The following GTF2H2C variants were observed in gnomAD, a reference collection of about 807,000 sequenced individuals.
GTF2H2C encodes general transcription factor IIH subunit 2-like protein.
Under a neutral mutation model 24.8 loss-of-function variants are expected in GTF2H2C, and 5 were observed. The ratio of observed to expected loss-of-function variants is 0.20; its 90% CI spans 0.11 to 0.42. The LOEUF is 0.42. GTF2H2C is among the 20% of genes least tolerant of loss of function. The pLI is 1.00. For synonymous variants in GTF2H2C, 14 were observed against 52.6 expected (o/e 0.27, Z 3.18); for missense variants, 45 against 169.8 (o/e 0.27, Z 4.08).
At chr5:69,561,564 GAA>G (rs1201509888) in intron 1 of GTF2H2C, among the ~76,000 whole-genome samples, 1 of 29,518 alleles carries the variant, frequency 3.4e-5, no homozygotes, top group Non-Finnish European at 1.4e-4. Context: ...AGAAAAAAAA[GAA>G]AAAAAAGAAT....
At chr5:69,570,446 CAAAG>C (rs1166771602) in intron 8 of GTF2H2C, among the ~76,000 whole-genome samples, 2 of 69,262 alleles carry the variant, frequency 2.9e-5, no homozygotes, top group Non-Finnish European at 5.9e-5. Context: ...GATGAATAGA[CAAAG>C]AAGACATGAT....
At chr5:69,562,261 T>C (rs1770413936) in intron 1 of GTF2H2C, among the ~76,000 whole-genome samples, 1 of 152,028 alleles carries the variant, frequency 6.6e-6, no homozygotes, top group Admixed American at 6.5e-5. Context: ...GAGGTTGCAG[T>C]GAGCCGAGAT....
intron 8 of GTF2H2C, among the ~76,000 whole-genome samples, chr5:69,570,250 A>G (rs1771008551): frequency 1.3e-5 from 1 of 74,460 alleles, no homozygotes; most frequent in African/African-American, 4.7e-5. Context: ...GTCTTTGGGC[A>G]AGTCATTTCA....
chr5:69,561,118 A>G (rs2112153579), intron 1 of GTF2H2C, among the ~76,000 whole-genome samples: 1 of 152,164 alleles, frequency 6.6e-6, no homozygotes, highest in East Asian at 1.9e-4. Context: ...AGATCTTTAC[A>G]AAGTCCATCT....
chr5:69,579,738 T>TC lies in GTF2H2C; in HGVS notation c.650-16dup, dbSNP rs1771439628. On this transcript the variant is annotated intron_variant, in intron 11 of 16. Transcript: ENST00000380729. Reference sequence around the variant, plus strand: ...TTATGTCTATGAAGGTGTTTTTTTTTCCCTTTTCATCTTGTTAGGCACGTA... The same window carrying TC: ...TTATGTCTATGAAGGTGTTTTTTTTTCCCCTTTTCATCTTGTTAGGCACGTA... 1.9e-6 allele frequency: 3 copies of TC among 1,583,712 alleles called. No homozygotes were observed. Among genetic ancestry groups the TC allele is most frequent in the East Asian group, 2.3e-5 (1 of 44,036 alleles).
chr5:69,565,744 A>G, intron 3 of GTF2H2C: 1 of 266,420 alleles, frequency 3.8e-6, no homozygotes, highest in Non-Finnish European at 7.2e-6. Context: ...TTGTGTAAGT[A>G]TACCCTGTGA....
At chr5:69,575,637 T>G (rs1771311992) in intron 9 of GTF2H2C, among the ~76,000 whole-genome samples, 1 of 85,644 alleles carries the variant, frequency 1.2e-5, no homozygotes, top group Non-Finnish European at 2.1e-5. Context: ...GAGGCAGAGG[T>G]TGCAGTGAGC....
At chr5:69,573,359 T>G (rs940752555) in intron 9 of GTF2H2C, among the ~76,000 whole-genome samples, 4 of 87,408 alleles carry the variant, frequency 4.6e-5, no homozygotes, top group Non-Finnish European at 6.8e-5. Context: ...AATTTTTGTA[T>G]TTTTAGTACA....
In GTF2H2C at chr5:69,560,763, A is replaced by T. The variant is rs570968526; in HGVS notation, c.-132+360A>T. On this transcript the variant is annotated intron_variant, in intron 1 of 16. Transcript: ENST00000380729. ...TCCAGGAAACAGATCACTTAAAAAA[A>T]TTTTTTTTTCTTCGAGACGGAGTCT... Among the ~76,000 whole-genome samples, 146 of 151,458 alleles carry T rather than the reference A, an allele frequency of 9.6e-4. 1 individual carries two copies. The highest frequency in any genetic ancestry group is 7.9e-3 in the South Asian group (38 of 4,782).
At chr5:69,561,704 T>C (rs1770365429) in intron 1 of GTF2H2C, among the ~76,000 whole-genome samples, 1 of 151,832 alleles carries the variant, frequency 6.6e-6, no homozygotes, top group African/African-American at 2.4e-5. Context: ...CAGTCTGGAG[T>C]GCAGTAGTGA....
At chr5:69,564,092 C>T (rs1395007347) in intron 2 of GTF2H2C, among the ~76,000 whole-genome samples, 1 of 150,906 alleles carries the variant, frequency 6.6e-6, no homozygotes. Flanking sequence ...CGTGTTAATT[C>T]GATGAGGATA....
chr5:69,562,329 G>GAAACAA (rs1161288695), intron 1 of GTF2H2C, among the ~76,000 whole-genome samples: 2 of 151,934 alleles, frequency 1.3e-5, no homozygotes, highest in African/African-American at 4.8e-5. Flanking sequence ...AACAAAAAAA[G>GAAACAA]AAACAAAAAT....
chr5:69,560,839 C>T (rs1245259687), intron 1 of GTF2H2C, among the ~76,000 whole-genome samples: 1 of 151,928 alleles, frequency 6.6e-6, no homozygotes, highest in African/African-American at 2.4e-5. Context: ...CTCACTGCAA[C>T]CTCCACCTCC....
chr5:69,568,574 T>C (rs1770909336), intron 8 of GTF2H2C: 1 of 105,240 alleles, frequency 9.5e-6, no homozygotes, highest in Non-Finnish European at 1.7e-5. Context: ...TTCGGATCAC[T>C]GCAAAGTCCG....
chr5:69,590,102 C>G (rs1473993075), intron 15 of GTF2H2C, among the ~76,000 whole-genome samples: 3 of 150,554 alleles, frequency 2.0e-5, no homozygotes, highest in African/African-American at 7.3e-5. Context: ...CCAGGCTGGT[C>G]ACGAACTCCT....
rs1433884315 is a variant in GTF2H2C at position 69,566,971 on chromosome 5, G to A, written c.176G>A (p.Arg59His). Residue 59 changes from arginine to histidine, a missense_variant, in exon 6 of 17, where the codon CGC (arginine) becomes CAC (histidine). By Grantham distance (29) the Arg-to-His change is conservative. Coordinates refer to ENST00000380729, the MANE Select transcript of GTF2H2C (RefSeq NM_001376000.2). ...GCCCTTTCTTTTTTCCGATAGATGCGCCACCTTTATGTGGTAGTAGATGGA... is the reference window on the plus strand; with the variant it reads ...GCCCTTTCTTTTTTCCGATAGATGCACCACCTTTATGTGGTAGTAGATGGA... ...HHGQVRLGMM[R>H]HLYVVVDGSR... The A allele has an allele frequency of 1.1e-5, 1 of 94,118 alleles. No individual in the cohort carries two copies. The highest frequency in any genetic ancestry group is 1.7e-5 in the Non-Finnish European group (1 of 58,184). 5.8% of individuals were successfully genotyped at this position (94,118 alleles called of 1,614,324 possible).
At position 69,594,026 on chromosome 5, in the gene GTF2H2C, C is replaced by CT. The variant is rs1772083957; in HGVS notation, c.*1829dup. ...TTTATGTATATAAACTTCAGGTACT[C>CT]TAACTTGAGTTTCACTATGAAATTT... On this transcript the variant is annotated 3_prime_UTR_variant, in exon 17 of 17. Transcript: ENST00000380729. Among the ~76,000 whole-genome samples the CT allele has an allele frequency of 1.0e-5, 1 of 95,460 alleles. No individual in the cohort carries two copies. Among genetic ancestry groups the CT allele is most frequent in the African/African-American group, 3.8e-5 (1 of 26,320 alleles). The allele number at this position is 95,460 out of a possible 152,430, so 62.6% of individuals were successfully genotyped here.
At chr5:69,565,213 CT>C (rs1209058600) in intron 3 of GTF2H2C, 25 bp downstream of exon 3, 1 of 611,172 alleles carries the variant, frequency 1.6e-6, no homozygotes, top group Admixed American at 3.7e-5. Flanking sequence ...ATTGCCCTGT[CT>C]TTTCTTTTAG....
chr5:69,561,657 TTTTA>T lies in GTF2H2C; in HGVS notation c.-131-1008_-131-1005del, dbSNP rs1489710587. On this transcript the variant is annotated intron_variant, in intron 1 of 16. Transcript: ENST00000380729. ...AATATTTATTATATATTTGTAATTA[TTTTA>T]TTTATTTTGAGATAGGGTCTCACTC... is the stretch of plus-strand genomic sequence containing the variant. Among the ~76,000 whole-genome samples the T allele has an allele frequency of 4.5e-4, 67 of 150,110 alleles. 1 individual carries two copies. Among genetic ancestry groups the T allele is most frequent in the African/African-American group, 1.6e-3 (65 of 40,836 alleles).
Sources: allele counts gnomAD v4.1 joint callset (sites outside exome capture counted in the v4.1 genomes callset), GRCh38; gene constraint gnomAD v4.1.1; transcripts MANE v1.5; gene names NCBI Gene and HGNC (gene_info 2026-07-23, HGNC 2026-07-21).